The following TRRAP variants were observed in gnomAD, a reference collection of about 807,000 sequenced individuals.
TRRAP encodes transformation/transcription domain-associated protein.
A neutral mutation model predicts 438.8 loss-of-function variants in TRRAP; 41 were observed. The observed-to-expected ratio is 0.09, with a 90% confidence interval of 0.07 to 0.12. The LOEUF is 0.12. Ranked by LOEUF, TRRAP falls within the 10% of genes least tolerant of loss-of-function variation. The probability of loss-of-function intolerance (pLI) is 1.00; values close to 1 mark genes in which losing one functional copy is unlikely to be tolerated. For missense variants in TRRAP, 3,122 were observed against 5,055.1 expected, an observed-to-expected ratio of 0.62 and a Z score of 11.60; for synonymous variants, 1,994 against 1,962.9, an observed-to-expected ratio of 1.02 and a Z score of -0.42.
intron 63 of TRRAP, among the ~76,000 whole-genome samples, chr7:98,990,153 G>A (rs565772769): frequency 7.0e-4 from 106 of 152,146 alleles, no homozygotes; most frequent in Non-Finnish European, 1.2e-3. Context: ...GCTTGAACCC[G>A]GGAGGTGGAG....
chr7:98,881,766 T>G, intron 2 of TRRAP: 1 of 534,572 alleles, frequency 1.9e-6, no homozygotes, highest in Non-Finnish European at 3.3e-6. Flanking sequence ...TGTGTGTGTA[T>G]ATGCTTGTCA....
chr7:98,910,428 G>A lies in TRRAP; in HGVS notation c.1714+9G>A, dbSNP rs1554408542. 6.2e-7 allele frequency: 1 copy of A among 1,610,856 alleles called. No individual in the cohort carries two copies. On this transcript the variant is annotated intron_variant, in intron 15 of 72. Coordinates refer to ENST00000456197, the MANE Select transcript of TRRAP (RefSeq NM_001375524.1). The stretch of plus-strand genomic sequence containing the variant: ...ATGCAAAGCACCTGGTGGTAATTCT[G>A]CTCTTCAGTTATGTAGACAAACAAT...
Position 98,933,291 on chromosome 7 carries a change from T to A in TRRAP, c.3903T>A (p.Pro1301=). Reference sequence around the variant, plus strand: ...AGAAGCACCTGCTCCGACACCAGCCTGCCAACGCACAGATTGGCCTGATGG... The same window carrying A: ...AGAAGCACCTGCTCCGACACCAGCCAGCCAACGCACAGATTGGCCTGATGG... ...PPKKHLLRHQ[P]ANAQIGLMEG... Residue 1301 remains proline, a synonymous_variant, in exon 27 of 73, where the codon CCT becomes CCA. Transcript: ENST00000456197. The A allele has an allele frequency of 5.0e-6, 8 of 1,614,190 alleles. No individual in the cohort carries two copies. The highest frequency in any genetic ancestry group is 6.8e-6 in the Non-Finnish European group (8 of 1,180,034).
intron 39 of TRRAP, among the ~76,000 whole-genome samples, chr7:98,952,148 A>G (rs1478642268): frequency 6.6e-6 from 1 of 151,962 alleles, no homozygotes; most frequent in Non-Finnish European, 1.5e-5. Flanking sequence ...CCTGGTAGAC[A>G]GACAGCGGTT....
intron 33 of TRRAP, among the ~76,000 whole-genome samples, chr7:98,946,583 CCACATATGCACACAA>C (rs782294760): frequency 2.0e-5 from 3 of 149,944 alleles, no homozygotes; most frequent in South Asian, 2.2e-4. Flanking sequence ...CGCGCACACA[CCACATATGCACACAA>C]CACATATGCA....
chr7:98,890,270 G>A lies in TRRAP; in HGVS notation c.151-65G>A, dbSNP rs1289176467. 15 of 1,064,644 alleles carry A rather than the reference G, an allele frequency of 1.4e-5. No homozygotes were observed. The African/African-American group carries it at 2.5e-4, about 18-fold the overall frequency. The allele number at this position is 1,064,644 out of a possible 1,614,324, so 65.9% of individuals were successfully genotyped here. A position where few individuals can be genotyped will look rare whatever the true frequency, so the allele number is the denominator to read the frequency against. ...TATATTCCTTTGCAGTTATTATAAT[G>A]TGTAAATTTGAAATGAAAATACATA... On this transcript the variant is annotated intron_variant, in intron 3 of 72. Coordinates refer to ENST00000456197, the MANE Select transcript of TRRAP (RefSeq NM_001375524.1).
intron 21 of TRRAP, among the ~76,000 whole-genome samples, chr7:98,924,879 C>T (rs1789970894): frequency 6.6e-6 from 1 of 151,448 alleles, no homozygotes; most frequent in African/African-American, 2.4e-5. Flanking sequence ...TGGCGGGCAC[C>T]TGTAGTCCCA....
intron 26 of TRRAP, 106 bp from the exon 27 acceptor site, chr7:98,933,135 A>G (rs1790402828): frequency 4.3e-6 from 6 of 1,398,652 alleles, no homozygotes; most frequent in Non-Finnish European, 4.7e-6. Context: ...TAATGAGAAG[A>G]TATCTGTAAT....
rs763889737 is a variant in TRRAP at position 98,965,741 on chromosome 7, G to A, written c.7022G>A (p.Arg2341His). 3.1e-6 allele frequency: 5 copies of A among 1,614,094 alleles called. No individual in the cohort carries two copies. The highest frequency in any genetic ancestry group is 2.2e-5 in the East Asian group (1 of 44,868). Reference protein sequence around the residue: ...VMLSLELVKTRLAVMSMEMRK... With the variant: ...VMLSLELVKTHLAVMSMEMRK... Reference sequence around the variant, plus strand: ...CTGAGTCTGGAGCTGGTGAAGACGCGCCTGGCAGTGATGAGCATGGAGATG... The same window carrying A: ...CTGAGTCTGGAGCTGGTGAAGACGCACCTGGCAGTGATGAGCATGGAGATG... The change falls in exon 49 of 73, where the codon CGC becomes CAC. Residue 2341 changes from arginine to histidine, a missense_variant. Arg to His is a conservative substitution (Grantham distance 29). Coordinates refer to ENST00000456197, the MANE Select transcript of TRRAP (RefSeq NM_001375524.1).
At chr7:98,906,133 A>T (rs1796716828) in intron 12 of TRRAP, 44 bp from the exon 13 acceptor site, 2 of 1,568,528 alleles carry the variant, frequency 1.3e-6, no homozygotes, top group South Asian at 2.2e-5. Context: ...AATGTGTGTA[A>T]TTGGTTTTGT....
chr7:98,931,744 A>G, intron 26 of TRRAP, 79 bp downstream of exon 26: 2 of 1,550,620 alleles, frequency 1.3e-6, no homozygotes, highest in Middle Eastern at 1.7e-4. Context: ...TTGAGGTGAT[A>G]CTCCGTTTAT....
At chr7:98,903,565 C>T (rs782078674) in intron 12 of TRRAP, 48 bp downstream of exon 12, 1 of 1,608,162 alleles carries the variant, frequency 6.2e-7, no homozygotes, top group South Asian at 1.1e-5. Flanking sequence ...GTCCTGTGGC[C>T]ATCTTTGGGG....
intron 40 of TRRAP, among the ~76,000 whole-genome samples, chr7:98,954,520 G>A (rs1791499735): frequency 6.6e-6 from 1 of 152,142 alleles, no homozygotes; most frequent in African/African-American, 2.4e-5. Flanking sequence ...GGGCTGCCCT[G>A]CCCTCCCCCA....
At chr7:98,925,067 T>C (rs1789986520) in intron 21 of TRRAP, 45 bp from the exon 22 acceptor site, 1 of 1,568,198 alleles carries the variant, frequency 6.4e-7, no homozygotes. Context: ...TTCACAATCA[T>C]GTAATTTCAG....
chr7:98,957,905 C>A, intron 43 of TRRAP, 76 bp from the exon 44 acceptor site: 2 of 1,283,992 alleles, frequency 1.6e-6, no homozygotes, highest in Non-Finnish European at 2.2e-6. Context: ...TACCCATTAG[C>A]TGGGTGAAAA....
At chr7:98,887,958 G>T (rs1554404212) in intron 3 of TRRAP, among the ~76,000 whole-genome samples, 3 of 152,102 alleles carry the variant, frequency 2.0e-5, no homozygotes, top group African/African-American at 7.2e-5. Flanking sequence ...CAGGACAGGT[G>T]CGGTGGCTCC....
chr7:98,912,526 A>C (rs781977859), intron 18 of TRRAP, among the ~76,000 whole-genome samples: 1 of 152,218 alleles, frequency 6.6e-6, no homozygotes, highest in Non-Finnish European at 1.5e-5. Flanking sequence ...ATGTCTAAGC[A>C]GTAACTAATT....
At position 98,967,563 on chromosome 7, in the gene TRRAP, A is replaced by C. The variant is rs200223828; in HGVS notation, c.7377A>C (p.Pro2459=). Residue 2459 remains proline (P), a synonymous_variant, in exon 51 of 73, where the codon CCA becomes CCC. Transcript: ENST00000456197. ...AFLSGLRCAQ[P]LIRAKFFEVF... ...TCTCTGGGCTGCGCTGTGCCCAGCC[A>C]CTCATCAGGGCAAAGTTTTTCGAGG... The C allele has an allele frequency of 5.6e-6, 9 of 1,614,066 alleles. No individual in the cohort carries two copies. In the East Asian group the frequency reaches 2.0e-4, roughly 36 times the overall value.
intron 47 of TRRAP, among the ~76,000 whole-genome samples, chr7:98,964,374 A>G (rs1250189963): frequency 6.6e-6 from 1 of 152,218 alleles, no homozygotes; most frequent in African/African-American, 2.4e-5. Context: ...GCAGAACTGA[A>G]GGTAAGAACG....
Sources: gnomAD v4.1 joint callset for allele counts (sites outside exome capture counted in the v4.1 genomes callset) on GRCh38, gnomAD v4.1.1 for gene constraint, MANE v1.5 for transcripts, NCBI Gene and HGNC (gene_info 2026-07-23, HGNC 2026-07-21) for gene names.